Variants in RUBCNL observed in about 807,000 individuals in gnomAD.
The protein encoded by RUBCNL is rubicon like autophagy enhancer, also known as protein associated with UVRAG as autophagy enhancer.
In RUBCNL, 62 loss-of-function variants were observed where a neutral mutation model predicts 69.5. That is an observed-to-expected ratio of 0.89 (90% CI 0.73 to 1.10). The LOEUF (loss-of-function observed/expected upper bound fraction) is 1.10. Among genes scored for constraint, RUBCNL ranks in the 50% least tolerant of loss-of-function variants. The pLI, the probability that RUBCNL is intolerant of heterozygous loss-of-function variation, is 0.00. For synonymous variants in RUBCNL, 291 were observed against 303.6 expected (o/e 0.96, Z 0.43); for missense variants, 768 against 798.1 (o/e 0.96, Z 0.45).
chr13:46,374,096 T>G (rs904580423), intron 2 of RUBCNL, among the ~76,000 whole-genome samples: 2 of 152,222 alleles, frequency 1.3e-5, no homozygotes, highest in East Asian at 3.9e-4. Flanking sequence ...AGCTTCCCAA[T>G]AGATTTCTCT....
chr13:46,335,298 C>T lies in RUBCNL; in HGVS notation c.*8087G>A, dbSNP rs1164517418. On this transcript the variant is annotated 3_prime_UTR_variant, in exon 15 of 15. Transcript: ENST00000429979. ...TTTTTTTTTTTTTAAGAGACAGGGT[C>T]TCGCTATGTTGCACAGGCTGGTCAC... Among the ~76,000 whole-genome samples the T allele has an allele frequency of 7.8e-6, 1 of 127,944 alleles. No homozygotes were observed. The highest frequency in any genetic ancestry group is 1.6e-5 in the Non-Finnish European group (1 of 63,746). The allele number at this position is 127,944 out of a possible 152,430, so 83.9% of individuals were successfully genotyped here.
Position 46,340,554 on chromosome 13 carries a change from A to G in RUBCNL, c.*2831T>C, listed in dbSNP as rs574366474. 6.6e-5 allele frequency among the ~76,000 whole-genome samples: 10 copies of G among 152,264 alleles called. No homozygotes were observed. Among genetic ancestry groups the G allele is most frequent in the African/African-American group, 2.4e-4 (10 of 41,554 alleles). ...AATGGCTTCCCCAGTGTCTGAGTCT[A>G]TTTGTGTTGCTATAAAGGAATACCT... On this transcript the variant is annotated 3_prime_UTR_variant, in exon 15 of 15. Transcript: ENST00000429979.
intron 5 of RUBCNL, among the ~76,000 whole-genome samples, chr13:46,365,763 T>C (rs2478043): frequency 0.39 from 59,878 of 151,988 alleles, 12,424 homozygotes; most frequent in East Asian, 0.59. Flanking sequence ...AGGAAGCAGC[T>C]GGATGCCACA....
rs962591758 is a variant in RUBCNL, at chr13:46,336,728, T to C, written c.*6657A>G. On this transcript the variant is annotated 3_prime_UTR_variant, in exon 15 of 15. Transcript: ENST00000429979. ...AGAATGGTTGAGATGGAAATGCTAT[T>C]GTTGTAGGTAAAGGAAGAAAGAGGT... Among the ~76,000 whole-genome samples the C allele has an allele frequency of 1.3e-5, 2 of 152,078 alleles. No individual in the cohort carries two copies. Among genetic ancestry groups the C allele is most frequent in the Non-Finnish European group, 2.9e-5 (2 of 68,016 alleles).
At chr13:46,388,305 AGAAGGAAG>A (rs545789180), upstream of RUBCNL, among the ~76,000 whole-genome samples, 110 of 139,238 alleles carry the variant, frequency 7.9e-4, no homozygotes, top group African/African-American at 2.6e-3. Flanking sequence ...GAGGGAGGGA[AGAAGGAAG>A]GAAGGAAGGA....
intron 10 of RUBCNL, among the ~76,000 whole-genome samples, chr13:46,353,689 A>T (rs2048420434): frequency 6.6e-6 from 1 of 152,228 alleles, no homozygotes; most frequent in African/African-American, 2.4e-5. Flanking sequence ...TCCTGCTCCA[A>T]AACACAATTG....
chr13:46,381,274 C>G (rs1197591358), intron 1 of RUBCNL, among the ~76,000 whole-genome samples: 1 of 152,112 alleles, frequency 6.6e-6, no homozygotes, highest in African/African-American at 2.4e-5. Flanking sequence ...AAATGTTATT[C>G]AACCATCATT....
chr13:46,350,518 T>TG, intron 10 of RUBCNL, 167 bp from the exon 11 acceptor site: 1 of 573,308 alleles, frequency 1.7e-6, no homozygotes, highest in Admixed American at 3.1e-5. Context: ...AGCAGAGACT[T>TG]GGGGAATTAA....
chr13:46,340,376 G>A lies in RUBCNL; in HGVS notation c.*3009C>T, dbSNP rs2048133127. On this transcript the variant is annotated 3_prime_UTR_variant, in exon 15 of 15. Transcript: ENST00000429979. ...CAGAGATACAGAAAATAAGGGGTATGACTCAGTTTGTAATCTGTCTAGACC... is the reference window on the plus strand; with the variant it reads ...CAGAGATACAGAAAATAAGGGGTATAACTCAGTTTGTAATCTGTCTAGACC... Among the ~76,000 whole-genome samples, 1 of 152,198 alleles carries A rather than the reference G, an allele frequency of 6.6e-6. No homozygotes were observed. Among genetic ancestry groups the A allele is most frequent in the African/African-American group, 2.4e-5 (1 of 41,462 alleles).
At chr13:46,346,825 A>G (rs1021065919) in intron 12 of RUBCNL, among the ~76,000 whole-genome samples, 1 of 152,228 alleles carries the variant, frequency 6.6e-6, no homozygotes, top group Non-Finnish European at 1.5e-5. Context: ...TACAATAAAC[A>G]ATCTTAACTT....
At chr13:46,387,101 C>T (rs2049266668) in intron 1 of RUBCNL, 33 bp downstream of exon 1, 6 of 985,840 alleles carry the variant, frequency 6.1e-6, no homozygotes, top group Non-Finnish European at 7.2e-6. Flanking sequence ...CCCCGCGCCG[C>T]TCCCATCTCG....
rs71074772 is a variant in RUBCNL at position 46,339,860 on chromosome 13, A to AAAAAACAAAAAC, written c.*3513_*3524dup. On this transcript the variant is annotated 3_prime_UTR_variant, in exon 15 of 15. Coordinates refer to ENST00000429979, the MANE Select transcript of RUBCNL (RefSeq NM_025113.5). ...GGTGACAGAGCAAGACTCCATTTCAAAAAAACAAAAACAAAAACAAAACAA... is the reference window on the plus strand; with the variant it reads ...GGTGACAGAGCAAGACTCCATTTCAAAAAAACAAAAACAAAAACAAAAACAAAAACAAAACAA... Among the ~76,000 whole-genome samples, 17 of 150,644 alleles carry AAAAAACAAAAAC rather than the reference A, an allele frequency of 1.1e-4. No individual in the cohort carries two copies. Among genetic ancestry groups the AAAAAACAAAAAC allele is most frequent in the African/African-American group, 3.9e-4 (16 of 41,068 alleles).
At chr13:46,383,418 C>T (rs12322996) in intron 1 of RUBCNL, among the ~76,000 whole-genome samples, 2,921 of 152,292 alleles carry the variant, frequency 0.019, 93 homozygotes, top group African/African-American at 0.066. Context: ...GCCCCATAGC[C>T]TTCTCTACAG....
intron 1 of RUBCNL, among the ~76,000 whole-genome samples, chr13:46,382,626 A>G (rs2049143076): frequency 6.6e-6 from 1 of 152,162 alleles, no homozygotes; most frequent in African/African-American, 2.4e-5. Flanking sequence ...TCTGCCTCCC[A>G]GGTTCAGGCG....
intron 5 of RUBCNL, among the ~76,000 whole-genome samples, chr13:46,364,109 A>T (rs182568914): frequency 7.2e-4 from 109 of 152,146 alleles, no homozygotes; most frequent in African/African-American, 2.4e-3. Flanking sequence ...CATAGAAGTT[A>T]TGTGGGCTGG....
chr13:46,383,090 T>C (rs1230417533), intron 1 of RUBCNL, among the ~76,000 whole-genome samples: 1 of 152,250 alleles, frequency 6.6e-6, no homozygotes, highest in Non-Finnish European at 1.5e-5. Context: ...CAACTGGCCA[T>C]GTTGATAACT....
chr13:46,366,101 G>A (rs2048748854), intron 5 of RUBCNL, among the ~76,000 whole-genome samples: 1 of 152,128 alleles, frequency 6.6e-6, no homozygotes, highest in African/African-American at 2.4e-5. Context: ...AGAAGGAAGA[G>A]TCCAGTATAC....
chr13:46,382,571 C>CA (rs1476874530), intron 1 of RUBCNL, among the ~76,000 whole-genome samples: 3 of 152,108 alleles, frequency 2.0e-5, no homozygotes, highest in Non-Finnish European at 1.5e-5. Flanking sequence ...TCGCTCTTGT[C>CA]ACCGAGGCTG....
At chr13:46,364,311 C>T (rs183487540) in intron 5 of RUBCNL, among the ~76,000 whole-genome samples, 495 of 152,174 alleles carry the variant, frequency 3.3e-3, no homozygotes, top group Non-Finnish European at 5.6e-3. Context: ...GCCGGAGAAT[C>T]GCTTGAACCT....
Sources: gnomAD v4.1 joint callset for allele counts (sites outside exome capture counted in the v4.1 genomes callset) on GRCh38, gnomAD v4.1.1 for gene constraint, MANE v1.5 for transcripts, NCBI Gene and HGNC (gene_info 2026-07-23, HGNC 2026-07-21) for gene names.